SCMH1: variants seen among roughly 807,000 people sequenced by gnomAD.
SCMH1 encodes Scm polycomb group protein homolog 1.
SCMH1 carries 37 observed loss-of-function variants against 70.8 expected under a neutral mutation model. The ratio of observed to expected loss-of-function variants is 0.52; its 90% CI spans 0.40 to 0.69. SCMH1 has a LOEUF of 0.69. Ranked by LOEUF, SCMH1 falls within the 30% of genes least tolerant of loss-of-function variation. The pLI, the probability that SCMH1 is intolerant of heterozygous loss-of-function variation, is 0.00. For missense variants in SCMH1, 607 were observed against 827.3 expected (o/e 0.73, Z 3.27); for synonymous variants, 292 against 307.4 (o/e 0.95, Z 0.52).
intron 1 of SCMH1, among the ~76,000 whole-genome samples, chr1:41,238,824 T>C (rs1662910979): frequency 6.6e-6 from 1 of 152,212 alleles, no homozygotes; most frequent in Non-Finnish European, 1.5e-5. Context: ...TTACTTCCAC[T>C]ATATTTGCTC....
intron 4 of SCMH1, among the ~76,000 whole-genome samples, chr1:41,156,953 CTTTTTTTTTTT>C (rs66641047): frequency 3.6e-5 from 4 of 110,854 alleles, no homozygotes; most frequent in Admixed American, 1.8e-4. Context: ...TATAAGCCAA[CTTTTTTTTTTT>C]TTTTTTTTTT....
At chr1:41,046,172 A>G (rs1422056906) in intron 12 of SCMH1, among the ~76,000 whole-genome samples, 1 of 152,218 alleles carries the variant, frequency 6.6e-6, no homozygotes, top group Non-Finnish European at 1.5e-5. Context: ...ATCTAGGGAT[A>G]AGGATCTAGA....
chr1:41,167,814 G>T (rs558072707), intron 2 of SCMH1, among the ~76,000 whole-genome samples: 1 of 151,896 alleles, frequency 6.6e-6, no homozygotes, highest in Admixed American at 6.6e-5. Context: ...TGGTCTAGTG[G>T]GGATAAATTC....
At chr1:41,225,985 T>G (rs956095040) in intron 1 of SCMH1, among the ~76,000 whole-genome samples, 1 of 152,192 alleles carries the variant, frequency 6.6e-6, no homozygotes, top group Non-Finnish European at 1.5e-5. Flanking sequence ...CCACCCTGCC[T>G]CACCTTGAAC....
At chr1:41,145,455 A>C (rs1644467723) in intron 5 of SCMH1, among the ~76,000 whole-genome samples, 1 of 152,186 alleles carries the variant, frequency 6.6e-6, no homozygotes, top group South Asian at 2.1e-4. Flanking sequence ...TTATGTCTTA[A>C]GTACTGTAGC....
chr1:41,077,585 C>A (rs916359585), intron 8 of SCMH1, among the ~76,000 whole-genome samples: 2 of 152,000 alleles, frequency 1.3e-5, no homozygotes, highest in African/African-American at 4.8e-5. Context: ...AAAACTAAGC[C>A]CCAGACCTCT....
At chr1:41,076,656 G>T (rs1437141552) in intron 8 of SCMH1, among the ~76,000 whole-genome samples, 1 of 152,200 alleles carries the variant, frequency 6.6e-6, no homozygotes, top group Non-Finnish European at 1.5e-5. Flanking sequence ...TTTACACAGA[G>T]CTCCCGAAAG....
At position 41,113,915 on chromosome 1, in the gene SCMH1, T is replaced by C. The variant is rs956987689; in HGVS notation, c.502-389A>G. Among the ~76,000 whole-genome samples, 5 of 152,328 alleles carry C rather than the reference T, an allele frequency of 3.3e-5. No homozygotes were observed. In the East Asian group the frequency reaches 9.6e-4, roughly 29 times the overall value. Reference sequence around the variant, plus strand: ...TTTAAATTTTATATAAATGGTATTATACTGTATATATCATTGTACAATTTG... The same window carrying C: ...TTTAAATTTTATATAAATGGTATTACACTGTATATATCATTGTACAATTTG... On this transcript the variant is annotated intron_variant, in intron 7 of 14. Coordinates refer to ENST00000337495, the Ensembl canonical transcript of SCMH1. This position sits in a 1 kb window ranked among gnomAD's most constrained non-coding sequence, Gnocchi z 4.3.
chr1:41,090,782 G>A (rs901297937), intron 8 of SCMH1, among the ~76,000 whole-genome samples: 27 of 152,182 alleles, frequency 1.8e-4, no homozygotes, highest in South Asian at 6.2e-4. Flanking sequence ...GCTCACGCCT[G>A]TAATCCCAGC....
At chr1:41,195,890 A>G (rs1356348017) in intron 1 of SCMH1, among the ~76,000 whole-genome samples, 1 of 152,204 alleles carries the variant, frequency 6.6e-6, no homozygotes, top group African/African-American at 2.4e-5. Flanking sequence ...AGTCACACAC[A>G]AAGTTTAGTT....
intron 6 of SCMH1, among the ~76,000 whole-genome samples, chr1:41,129,772 A>T (rs1674165712): frequency 6.6e-6 from 1 of 152,170 alleles, no homozygotes; most frequent in African/African-American, 2.4e-5. Context: ...GAACTGCTGA[A>T]TCACAGAATT....
At chr1:41,049,766 CAA>C (rs11400346) in intron 10 of SCMH1, among the ~76,000 whole-genome samples, 1 of 123,220 alleles carries the variant, frequency 8.1e-6, no homozygotes, top group Non-Finnish European at 1.7e-5. Flanking sequence ...GAATTGGTCT[CAA>C]AAAAAAAAAA....
At chr1:41,070,324 C>T (rs1656043591) in intron 10 of SCMH1, among the ~76,000 whole-genome samples, 1 of 152,082 alleles carries the variant, frequency 6.6e-6, no homozygotes, top group South Asian at 2.1e-4. Flanking sequence ...TCAGAAGGAA[C>T]ACCCCTAACT....
intron 13 of SCMH1, 54 bp from the exon 15 acceptor site, chr1:41,028,780 C>T (rs1644095141): frequency 1.3e-6 from 2 of 1,591,054 alleles, no homozygotes; most frequent in Non-Finnish European, 1.7e-6. Flanking sequence ...TTGTAAATCC[C>T]CACCACTCTC....
At chr1:41,028,221 A>G in exon 15 of SCMH1, 5 of 1,614,134 alleles carry the variant, frequency 3.1e-6, no homozygotes, top group Non-Finnish European at 4.2e-6. Flanking sequence ...TCAGCCGGTC[A>G]ATGTGGTAGG....
At chr1:41,238,515 C>T (rs1662840575) in intron 1 of SCMH1, among the ~76,000 whole-genome samples, 2 of 152,186 alleles carry the variant, frequency 1.3e-5, no homozygotes, top group African/African-American at 4.8e-5. Context: ...CTCTACCCCA[C>T]CTCCTCATCT....
chr1:41,052,247 G>A (rs1205924966), intron 10 of SCMH1, among the ~76,000 whole-genome samples: 1 of 152,224 alleles, frequency 6.6e-6, no homozygotes, highest in East Asian at 1.9e-4. Context: ...GAAAGGGGCT[G>A]CACAGCAGGA....
At chr1:41,137,624 G>C (rs1643562677) in intron 6 of SCMH1, among the ~76,000 whole-genome samples, 1 of 152,194 alleles carries the variant, frequency 6.6e-6, no homozygotes, top group Non-Finnish European at 1.5e-5. Flanking sequence ...TGGTTTCATA[G>C]TAGAGTTACT....
intron 10 of SCMH1, among the ~76,000 whole-genome samples, chr1:41,051,188 T>C (rs1176127116): frequency 2.0e-5 from 3 of 152,184 alleles, no homozygotes; most frequent in Non-Finnish European, 4.4e-5. Context: ...TCCTATCACC[T>C]AGTGACCTTG....
Sources: allele counts gnomAD v4.1 joint callset (sites outside exome capture counted in the v4.1 genomes callset), GRCh38; gene constraint gnomAD v4.1.1; non-coding constraint Gnocchi (gnomAD v3.1); transcripts MANE v1.5; gene names NCBI Gene and HGNC (gene_info 2026-07-23, HGNC 2026-07-21).